GPC6: variants seen among roughly 807,000 people sequenced by gnomAD.
The protein encoded by GPC6 is glypican-6.
Under a neutral mutation model 55.2 loss-of-function variants are expected in GPC6, and 14 were observed. The observed-to-expected ratio is 0.25, with a 90% CI of 0.17 to 0.40. GPC6 has a LOEUF of 0.40. Among genes scored for constraint, GPC6 ranks in the 10% least tolerant of loss-of-function variants. GPC6 has a pLI of 1.00. For synonymous variants in GPC6, 278 were observed against 259.6 expected (o/e 1.07, Z -0.68); for missense variants, 641 against 708.5 (o/e 0.90, Z 1.08).
chr13:93,874,701 T>C (rs979734495), intron 3 of GPC6, among the ~76,000 whole-genome samples: 2 of 151,382 alleles, frequency 1.3e-5, no homozygotes, highest in Non-Finnish European at 2.9e-5. Flanking sequence ...ATGGACACAC[T>C]AAACTTGCTC....
intron 6 of GPC6, among the ~76,000 whole-genome samples, chr13:94,379,260 T>C (rs1168110572): frequency 2.0e-5 from 3 of 152,226 alleles, no homozygotes; most frequent in African/African-American, 4.8e-5. Context: ...CAGTGGCTAA[T>C]AGTGTCCATT....
At chr13:94,001,462 AAATT>A (rs1269546312) in intron 3 of GPC6, among the ~76,000 whole-genome samples, 8 of 152,206 alleles carry the variant, frequency 5.3e-5, no homozygotes, top group Non-Finnish European at 1.0e-4. Flanking sequence ...AAATTGTTAA[AAATT>A]AATCTAATGA....
At chr13:93,748,955 C>T (rs1202017991) in intron 2 of GPC6, among the ~76,000 whole-genome samples, 1 of 151,960 alleles carries the variant, frequency 6.6e-6, no homozygotes, top group Non-Finnish European at 1.5e-5. Context: ...ACATAGAATA[C>T]TGTTCGTCAT....
chr13:94,359,533 G>A (rs1594204115), intron 6 of GPC6, among the ~76,000 whole-genome samples: 1 of 152,272 alleles, frequency 6.6e-6, no homozygotes, highest in East Asian at 1.9e-4. Flanking sequence ...ATTATACTAT[G>A]ACTTTCCAGT....
intron 1 of GPC6, among the ~76,000 whole-genome samples, chr13:93,270,499 T>C (rs1005490176): frequency 6.6e-6 from 1 of 152,016 alleles, no homozygotes; most frequent in African/African-American, 2.4e-5. Flanking sequence ...TTAAACATTG[T>C]TTTATTTCTG....
At chr13:94,180,464 C>T (rs1246820729) in intron 4 of GPC6, among the ~76,000 whole-genome samples, 1 of 151,946 alleles carries the variant, frequency 6.6e-6, no homozygotes, top group Admixed American at 6.6e-5. Flanking sequence ...TATTTTTTTG[C>T]TTAAGTAGAT....
intron 3 of GPC6, among the ~76,000 whole-genome samples, chr13:93,983,033 G>A (rs528488047): frequency 3.3e-5 from 5 of 152,180 alleles, no homozygotes; most frequent in South Asian, 2.1e-4. Context: ...AGTTTTTGTC[G>A]TTGAAAAGGA....
chr13:93,687,274 T>C (rs1012057569), intron 2 of GPC6, among the ~76,000 whole-genome samples: 3 of 152,146 alleles, frequency 2.0e-5, no homozygotes. Context: ...CTCTGAAGCC[T>C]TTATCCTATA....
chr13:93,505,598 C>T (rs1169026074), intron 1 of GPC6, among the ~76,000 whole-genome samples: 1 of 152,106 alleles, frequency 6.6e-6, no homozygotes, highest in Non-Finnish European at 1.5e-5. Flanking sequence ...TGCTTAGGGA[C>T]ATTAGACAGC....
chr13:94,398,861 T>A (rs1375810888), intron 8 of GPC6, among the ~76,000 whole-genome samples: 1 of 152,200 alleles, frequency 6.6e-6, no homozygotes, highest in Non-Finnish European at 1.5e-5. Flanking sequence ...ATAATTGCAA[T>A]GGATTACATT....
intron 3 of GPC6, among the ~76,000 whole-genome samples, chr13:93,873,405 G>C (rs1889190776): frequency 6.6e-6 from 1 of 151,926 alleles, no homozygotes; most frequent in African/African-American, 2.4e-5. Flanking sequence ...GAAGAGGTCT[G>C]TCCTGACTTT....
chr13:94,272,529 T>C lies in GPC6; in HGVS notation c.878-13820T>C, dbSNP rs552319702. Among the ~76,000 whole-genome samples the C allele has an allele frequency of 3.7e-4, 52 of 141,672 alleles. 1 individual carries two copies. The highest frequency in any genetic ancestry group is 5.1e-4 in the Non-Finnish European group (34 of 66,394). The allele number at this position is 141,672 out of a possible 152,430, so 92.9% of individuals were successfully genotyped here. A position where few individuals can be genotyped will look rare whatever the true frequency, so the allele number is the denominator to read the frequency against. On this transcript the variant is annotated intron_variant, in intron 4 of 8. Coordinates refer to ENST00000377047, the MANE Select transcript of GPC6 (RefSeq NM_005708.5). ...TGTTGCCCAGGCTGGAGTGCAGTGG[T>C]GCCATCTCAGCTCACTGCAAGCTCC...
intron 1 of GPC6, among the ~76,000 whole-genome samples, chr13:93,369,162 A>C (rs1197623702): frequency 6.6e-6 from 1 of 151,972 alleles, no homozygotes; most frequent in African/African-American, 2.4e-5. Flanking sequence ...CATTGACACT[A>C]CAGATTATGC....
At chr13:93,373,738 A>G (rs1309574617) in intron 1 of GPC6, among the ~76,000 whole-genome samples, 4 of 152,220 alleles carry the variant, frequency 2.6e-5, no homozygotes, top group Admixed American at 6.5e-5. Context: ...CACATAGTTA[A>G]TTCCTGATTT....
intron 6 of GPC6, among the ~76,000 whole-genome samples, chr13:94,377,804 C>A (rs1021434662): frequency 1.1e-4 from 17 of 152,042 alleles, no homozygotes; most frequent in Admixed American, 9.2e-4. Context: ...CCCAAATGTC[C>A]AACAATGATA....
intron 3 of GPC6, among the ~76,000 whole-genome samples, chr13:93,926,106 G>A (rs1594593505): frequency 6.6e-6 from 1 of 152,278 alleles, no homozygotes; most frequent in Non-Finnish European, 1.5e-5. Context: ...AAGCCTTAGT[G>A]ATTCCAGTAA....
intron 3 of GPC6, among the ~76,000 whole-genome samples, chr13:93,942,379 G>T (rs933983313): frequency 2.0e-5 from 3 of 152,152 alleles, no homozygotes; most frequent in African/African-American, 7.2e-5. Flanking sequence ...GAGTGTAGTG[G>T]TACAAACATG....
intron 3 of GPC6, among the ~76,000 whole-genome samples, chr13:93,999,396 A>G (rs1198899679): frequency 6.6e-6 from 1 of 152,202 alleles, no homozygotes; most frequent in African/African-American, 2.4e-5. Flanking sequence ...TCCATGGTGC[A>G]TATGTGCCAC....
chr13:93,967,852 T>C (rs186151495), intron 3 of GPC6, among the ~76,000 whole-genome samples: 22 of 152,166 alleles, frequency 1.4e-4, no homozygotes, highest in Admixed American at 1.2e-3. Flanking sequence ...TCAGAACTTA[T>C]TACTACCTCA....
Sources: allele counts gnomAD v4.1 joint callset (sites outside exome capture counted in the v4.1 genomes callset), GRCh38; gene constraint gnomAD v4.1.1; transcripts MANE v1.5; gene names NCBI Gene and HGNC (gene_info 2026-07-23, HGNC 2026-07-21).